PTPRD: variants seen among roughly 807,000 people sequenced by gnomAD.
PTPRD encodes the protein receptor-type tyrosine-protein phosphatase delta.
In PTPRD, 34 loss-of-function variants were observed where a neutral mutation model predicts 214.5. That is an observed-to-expected ratio of 0.16 (90% CI 0.12 to 0.21). PTPRD has a LOEUF of 0.21. Ranked by LOEUF, PTPRD falls within the 10% of genes least tolerant of loss-of-function variation. The pLI is 1.00. For missense variants in PTPRD, 2,545 were observed against 2,398.7 expected (o/e 1.06, Z -1.27); for synonymous variants, 1,128 against 845.7 (o/e 1.33, Z -5.79).
intron 9 of PTPRD, among the ~76,000 whole-genome samples, chr9:9,328,410 T>G (rs2136357457): frequency 6.6e-6 from 1 of 152,120 alleles, no homozygotes; most frequent in South Asian, 2.1e-4. Context: ...GCTTAATGAA[T>G]TTTAAAGTGA....
intron 5 of PTPRD, among the ~76,000 whole-genome samples, chr9:9,817,686 A>G (rs1396204480): frequency 6.6e-6 from 1 of 152,162 alleles, no homozygotes; most frequent in Non-Finnish European, 1.5e-5. Flanking sequence ...CAAACGGGCT[A>G]AGGGGTTAGG....
chr9:9,126,177 G>T (rs1473864567), intron 10 of PTPRD, among the ~76,000 whole-genome samples: 1 of 152,126 alleles, frequency 6.6e-6, no homozygotes, highest in Non-Finnish European at 1.5e-5. Context: ...GCAGGAGGGG[G>T]ATATAAGCCA....
intron 8 of PTPRD, among the ~76,000 whole-genome samples, chr9:9,432,932 T>G (rs950308404): frequency 2.0e-5 from 3 of 152,150 alleles, no homozygotes; most frequent in Non-Finnish European, 2.9e-5. Context: ...TGCTTTACTT[T>G]CAAATATTCA....
intron 9 of PTPRD, among the ~76,000 whole-genome samples, chr9:9,375,091 G>C (rs2060438247): frequency 6.6e-6 from 1 of 152,076 alleles, no homozygotes; most frequent in South Asian, 2.1e-4. Context: ...ATGTGTATGT[G>C]CGTGTGTGTG....
At chr9:10,466,640 A>G (rs1480541633) in intron 2 of PTPRD, among the ~76,000 whole-genome samples, 5 of 150,944 alleles carry the variant, frequency 3.3e-5, no homozygotes, top group Non-Finnish European at 7.4e-5. Context: ...AAAAAAAAAA[A>G]AAAAAAAAAA....
At chr9:10,194,162 A>T (rs1207976492) in intron 3 of PTPRD, among the ~76,000 whole-genome samples, 2 of 152,036 alleles carry the variant, frequency 1.3e-5, no homozygotes, top group African/African-American at 2.4e-5. Flanking sequence ...CTTATCATTG[A>T]TGCCTCTTCC....
In PTPRD at chr9:8,555,550, C is replaced by G. The variant is rs941043658; in HGVS notation, c.353-26771G>C. 2.6e-5 allele frequency among the ~76,000 whole-genome samples: 4 copies of G among 152,260 alleles called. 1 individual carries two copies. The highest frequency in any genetic ancestry group is 2.6e-4 in the Admixed American group (4 of 15,290). ...GTAATTTGATGTTAAACACTAAATC[C>G]AAGTTTCTCAGAGGAACACAGTCTT... On this transcript the variant is annotated intron_variant, in intron 14 of 45. Transcript: ENST00000381196.
At chr9:9,770,158 G>C (rs1284859137) in intron 5 of PTPRD, among the ~76,000 whole-genome samples, 1 of 152,090 alleles carries the variant, frequency 6.6e-6, no homozygotes, top group Non-Finnish European at 1.5e-5. Context: ...GGTACTTCTA[G>C]TTCTAGATCC....
At position 8,875,727 on chromosome 9, in the gene PTPRD, T is replaced by G. The variant is rs73433160; in HGVS notation, c.-103-141781A>C. On this transcript the variant is annotated intron_variant, in intron 11 of 45. Coordinates refer to ENST00000381196, the MANE Select transcript of PTPRD (RefSeq NM_002839.4). ...GATAATGCTAAACATCTACAATGTA[T>G]AATATTTCATGATTTTAGAGTGGTT... Among the ~76,000 whole-genome samples the G allele has an allele frequency of 8.9e-3, 1,363 of 152,296 alleles. 22 individuals are homozygous for G. The highest frequency in any genetic ancestry group is 0.031 in the African/African-American group (1,287 of 41,564).
chr9:9,899,115 T>A (rs2075771007), intron 5 of PTPRD, among the ~76,000 whole-genome samples: 1 of 152,098 alleles, frequency 6.6e-6, no homozygotes, highest in Non-Finnish European at 1.5e-5. Context: ...ATTAGAATTG[T>A]AAGTTTAATA....
Position 8,886,058 on chromosome 9 carries a change from G to T in PTPRD, c.-104+132639C>A, listed in dbSNP as rs1174776090. Reference sequence around the variant, plus strand: ...TTAGTAATTTGGTTATAATCCCAAAGGTGATTGGTAGGAAAGAACTCAAAA... The same window carrying T: ...TTAGTAATTTGGTTATAATCCCAAATGTGATTGGTAGGAAAGAACTCAAAA... On this transcript the variant is annotated intron_variant, in intron 11 of 45. Transcript: ENST00000381196. Among the ~76,000 whole-genome samples, 4 of 152,072 alleles carry T rather than the reference G, an allele frequency of 2.6e-5. No homozygotes were observed. The South Asian group carries it at 8.3e-4, about 31-fold the overall frequency.
intron 8 of PTPRD, among the ~76,000 whole-genome samples, chr9:9,530,815 G>A (rs908370390): frequency 6.6e-6 from 1 of 152,128 alleles, no homozygotes; most frequent in Non-Finnish European, 1.5e-5. Context: ...TCACTCATAT[G>A]TCAGGGCTAA....
chr9:8,485,297 G>T lies in PTPRD; in HGVS notation c.3083C>A (p.Ala1028Glu), dbSNP rs758094292. The change falls in exon 29 of 46, where the codon GCA becomes GAA. Residue 1028 changes from alanine to glutamate, a missense_variant. Ala to Glu is a moderately radical substitution (Grantham distance 107, BLOSUM62 -1). Transcript: ENST00000381196. ...QVFAKNFHVK[A>E]VMKTSVLLSW... is the part of the protein sequence containing the mutation. ...CAGCAACACGGAAGTCTTCATTACT[G>T]CTTTGACATGAAAATTTTTTGCAAA... 1 of 1,614,028 alleles carries T rather than the reference G, an allele frequency of 6.2e-7. No homozygotes were observed. Among genetic ancestry groups the T allele is most frequent in the Non-Finnish European group, 8.5e-7 (1 of 1,179,944 alleles).
chr9:8,898,920 G>A (rs2154249640), intron 11 of PTPRD, among the ~76,000 whole-genome samples: 1 of 152,160 alleles, frequency 6.6e-6, no homozygotes, highest in South Asian at 2.1e-4. Context: ...TCAACTCACT[G>A]ACAAAAGCAA....
chr9:9,866,450 C>G (rs1046509932), intron 5 of PTPRD, among the ~76,000 whole-genome samples: 1 of 152,024 alleles, frequency 6.6e-6, no homozygotes, highest in Admixed American at 6.6e-5. Flanking sequence ...ATTTTTGTCT[C>G]TTAAGCAAAG....
At chr9:10,425,056 C>T (rs2098599655) in intron 2 of PTPRD, among the ~76,000 whole-genome samples, 1 of 151,864 alleles carries the variant, frequency 6.6e-6, no homozygotes, top group Non-Finnish European at 1.5e-5. Flanking sequence ...TATAGTTTTA[C>T]ATGTAAATCC....
intron 5 of PTPRD, among the ~76,000 whole-genome samples, chr9:9,922,833 T>C (rs186388871): frequency 5.3e-4 from 80 of 152,084 alleles, no homozygotes; most frequent in African/African-American, 1.9e-3. Flanking sequence ...TTTTCCAGAT[T>C]GAAGGGGACT....
chr9:9,550,813 G>A (rs2080025113), intron 8 of PTPRD, among the ~76,000 whole-genome samples: 1 of 151,792 alleles, frequency 6.6e-6, no homozygotes. Flanking sequence ...TTTTACTAAA[G>A]AGGATATAGA....
chr9:10,149,124 C>A (rs2099043478), intron 3 of PTPRD, among the ~76,000 whole-genome samples: 1 of 152,090 alleles, frequency 6.6e-6, no homozygotes, highest in Non-Finnish European at 1.5e-5. Context: ...GTAGAAACTG[C>A]AAGTAAGGAG....
Sources: allele counts gnomAD v4.1 joint callset (sites outside exome capture counted in the v4.1 genomes callset), GRCh38; gene constraint gnomAD v4.1.1; transcripts MANE v1.5; gene names NCBI Gene and HGNC (gene_info 2026-07-23, HGNC 2026-07-21).